Variants in MAEL observed in about 807,000 individuals in gnomAD.
MAEL encodes the protein protein maelstrom homolog.
In MAEL, 46 loss-of-function variants were observed where a neutral mutation model predicts 62.0. That is an observed-to-expected ratio of 0.74 (90% confidence interval 0.59 to 0.95). The LOEUF (loss-of-function observed/expected upper bound fraction) is 0.95, where lower values mean the gene tolerates loss of function less well. Ranked by LOEUF, MAEL falls within the 40% of genes least tolerant of loss-of-function variation. The pLI is 0.00. For missense variants in MAEL, 497 were observed against 526.8 expected (o/e 0.94, Z 0.55); for synonymous variants, 172 against 175.5 (o/e 0.98, Z 0.16).
chr1:166,986,256 G>A (rs183661024), upstream of MAEL, among the ~76,000 whole-genome samples: 2 of 139,564 alleles, frequency 1.4e-5, no homozygotes, highest in Admixed American at 6.8e-5. Context: ...TTATCTTGAT[G>A]GCAGATGGTT....
chr1:166,976,647 G>C (rs1344090949), intron 1 of MAEL, among the ~76,000 whole-genome samples: 2 of 152,132 alleles, frequency 1.3e-5, no homozygotes, highest in East Asian at 1.9e-4. Context: ...GGGCAGGCGA[G>C]GGCATTCTGG....
In MAEL at chr1:166,994,039, C is replaced by G. The variant is rs772863669; in HGVS notation, c.493C>G (p.Arg165Gly). The G allele has an allele frequency of 6.2e-7, 1 of 1,612,600 alleles. No homozygotes were observed. The highest frequency in any genetic ancestry group is 2.2e-5 in the East Asian group (1 of 44,722). Residue 165 changes from arginine (R) to glycine (G), a missense_variant, in exon 5 of 12, where the codon CGA (arginine) becomes GGA (glycine). Coordinates refer to ENST00000367872, the MANE Select transcript of MAEL (RefSeq NM_032858.3). The part of the protein sequence containing the change: ...HSFINPGEIP[R>G]GFRFHCQAAS... ...ATTTTGTATTATAGGTGAAATTCCA[C>G]GAGGATTTCGATTTCATTGTCAGGC...
chr1:166,996,276 A>G (rs952134487), intron 5 of MAEL, among the ~76,000 whole-genome samples: 4 of 152,220 alleles, frequency 2.6e-5, no homozygotes, highest in Admixed American at 2.0e-4. Context: ...GAACATGCAT[A>G]TGGATCTCTC....
At chr1:166,998,556 A>T (rs948820123) in intron 5 of MAEL, among the ~76,000 whole-genome samples, 3 of 152,084 alleles carry the variant, frequency 2.0e-5, no homozygotes, top group Non-Finnish European at 4.4e-5. Flanking sequence ...GCTTTGTCTT[A>T]GTATGCTGAC....
chr1:166,983,528 T>C lies in MAEL; in HGVS notation c.-120-5873T>C, dbSNP rs1017910277. On this transcript the variant is annotated intron_variant, in intron 1 of 12. Coordinates refer to the MAEL transcript ENST00000622874. Reference sequence around the variant, plus strand: ...TACTTGACATCTCCACTTGAATATATAGTAGGCATCTCAAAATGAACATGT... The same window carrying C: ...TACTTGACATCTCCACTTGAATATACAGTAGGCATCTCAAAATGAACATGT... Among the ~76,000 whole-genome samples, 4 of 152,250 alleles carry C rather than the reference T, an allele frequency of 2.6e-5. No homozygotes were observed. In the East Asian group the frequency reaches 5.8e-4, roughly 22 times the overall value.
At chr1:166,986,444 C>A (rs559280709), upstream of MAEL, among the ~76,000 whole-genome samples, 8 of 152,234 alleles carry the variant, frequency 5.3e-5, no homozygotes, top group African/African-American at 1.7e-4. Context: ...GTGAGAGAGT[C>A]TGAGTGGGAA....
In MAEL at chr1:166,989,332, AG is replaced by A. The variant is rs1664052423; in HGVS notation, c.-19del. ...CCGGTGCTTTGTTCTGTCTGAGGCCAGGAAGTTTGACCGCGCTGCCATGCCG... is the reference window on the plus strand; with the variant it reads ...CCGGTGCTTTGTTCTGTCTGAGGCCAGAAGTTTGACCGCGCTGCCATGCCG... On this transcript the variant is annotated 5_prime_UTR_variant, in exon 1 of 12. Coordinates refer to ENST00000367872, the MANE Select transcript of MAEL (RefSeq NM_032858.3). 6.2e-7 allele frequency: 1 copy of A among 1,604,960 alleles called. No individual in the cohort carries two copies. Among genetic ancestry groups the A allele is most frequent in the South Asian group, 1.1e-5 (1 of 89,178 alleles).
At chr1:166,980,355 A>G (rs1394036592) in intron 1 of MAEL, among the ~76,000 whole-genome samples, 1 of 152,096 alleles carries the variant, frequency 6.6e-6, no homozygotes, top group Non-Finnish European at 1.5e-5. Context: ...TAATATTTCT[A>G]TAATATAGGA....
At chr1:167,016,373 G>C in intron 9 of MAEL, 89 bp downstream of exon 9, 1 of 1,219,450 alleles carries the variant, frequency 8.2e-7, no homozygotes, top group Non-Finnish European at 1.2e-6. Flanking sequence ...TGGCAATCGG[G>C]GTAACTCTGT....
rs1305170870 is a variant in MAEL, at chr1:167,021,079, T to C, written c.1042-6T>C. 1 of 1,605,268 alleles carries C rather than the reference T, an allele frequency of 6.2e-7. No individual in the cohort carries two copies. Among genetic ancestry groups the C allele is most frequent in the Non-Finnish European group, 8.5e-7 (1 of 1,172,644 alleles). ...TTTCCCCCTGGTATTTTCCTGTTACTTACAGAAGCTAAGGGTTGGGAGTTC... is the reference window on the plus strand; with the variant it reads ...TTTCCCCCTGGTATTTTCCTGTTACCTACAGAAGCTAAGGGTTGGGAGTTC... On this transcript the variant is annotated splice_polypyrimidine_tract_variant and splice_region_variant and intron_variant, in intron 10 of 11. Transcript: ENST00000367872.
intron 8 of MAEL, among the ~76,000 whole-genome samples, chr1:167,014,956 G>A (rs1253821206): frequency 6.6e-6 from 1 of 152,146 alleles, no homozygotes; most frequent in Non-Finnish European, 1.5e-5. Flanking sequence ...CCCTGGAGGT[G>A]GAGGTTGCAG....
intron 1 of MAEL, among the ~76,000 whole-genome samples, chr1:166,976,090 A>C (rs1167514643): frequency 6.6e-6 from 1 of 152,190 alleles, no homozygotes; most frequent in Non-Finnish European, 1.5e-5. Flanking sequence ...TCGCGTCATT[A>C]CTTTTTCCTG....
rs192577640 is a variant in MAEL, at chr1:167,016,937, A to G, written c.908+653A>G. Among the ~76,000 whole-genome samples, 12 of 152,258 alleles carry G rather than the reference A, an allele frequency of 7.9e-5. No homozygotes were observed. In the East Asian group the frequency reaches 1.2e-3, roughly 15 times the overall value. On this transcript the variant is annotated intron_variant, in intron 9 of 11. Coordinates refer to ENST00000367872, the MANE Select transcript of MAEL (RefSeq NM_032858.3). The stretch of plus-strand genomic sequence containing the variant: ...TTTGTGGAATCTAAAAATCAAAACA[A>G]TTGAACCCATGGAGATAGAGAGTAG...
upstream of MAEL, among the ~76,000 whole-genome samples, chr1:166,985,887 G>A (rs139012524): frequency 1.3e-5 from 2 of 152,208 alleles, no homozygotes; most frequent in African/African-American, 4.8e-5. Context: ...AAGAATTAAT[G>A]GTTATCATAA....
intron 5 of MAEL, among the ~76,000 whole-genome samples, chr1:166,999,226 T>C: frequency 6.6e-6 from 1 of 152,228 alleles, no homozygotes. Flanking sequence ...GGCCAAAAAC[T>C]AGGCTTCTTG....
At chr1:167,018,830 G>A (rs1291905676) in intron 10 of MAEL, among the ~76,000 whole-genome samples, 1 of 152,060 alleles carries the variant, frequency 6.6e-6, no homozygotes, top group Non-Finnish European at 1.5e-5. Context: ...CAAATTAGTG[G>A]TTCCCAGGAG....
upstream of MAEL, among the ~76,000 whole-genome samples, chr1:166,988,348 TAAA>T (rs71073633): frequency 0.24 from 22,226 of 92,154 alleles, 1,854 homozygotes; most frequent in East Asian, 0.27. Context: ...AGACCCTGTC[TAAA>T]AAAAAAAAAA....
chr1:166,982,076 C>T (rs1056950883), intron 1 of MAEL, among the ~76,000 whole-genome samples: 7 of 152,126 alleles, frequency 4.6e-5, no homozygotes, highest in Non-Finnish European at 1.0e-4. Context: ...TTGAGAAAGA[C>T]ATTGCAAGGA....
chr1:166,998,788 A>C (rs780863628), intron 5 of MAEL, among the ~76,000 whole-genome samples: 1 of 152,022 alleles, frequency 6.6e-6, no homozygotes, highest in Non-Finnish European at 1.5e-5. Flanking sequence ...GAGCAAGTCT[A>C]TTGGCATCAT....
Sources: gnomAD v4.1 joint callset for allele counts (sites outside exome capture counted in the v4.1 genomes callset) on GRCh38, gnomAD v4.1.1 for gene constraint, MANE v1.5 for transcripts, NCBI Gene and HGNC (gene_info 2026-07-23, HGNC 2026-07-21) for gene names.